Variants in MAGI2 observed in about 807,000 individuals in gnomAD.
The protein encoded by MAGI2 is membrane-associated guanylate kinase, WW and PDZ domain-containing protein 2.
MAGI2 carries 35 observed loss-of-function variants against 133.3 expected under a neutral mutation model. The observed-to-expected ratio is 0.26, with a 90% CI of 0.20 to 0.35. The LOEUF is 0.35. Ranked by LOEUF, MAGI2 falls within the 10% of genes least tolerant of loss-of-function variation. The pLI is 1.00. For missense variants in MAGI2, 1,636 were observed against 1,863.4 expected (o/e 0.88, Z 2.25); for synonymous variants, 729 against 710.6 (o/e 1.03, Z -0.41).
intron 21 of MAGI2, among the ~76,000 whole-genome samples, chr7:78,041,433 T>C (rs893834806): frequency 1.3e-5 from 2 of 152,186 alleles, no homozygotes; most frequent in African/African-American, 4.8e-5. Flanking sequence ...CCCAACACTC[T>C]GGGAGCCCAA....
intron 9 of MAGI2, among the ~76,000 whole-genome samples, chr7:78,290,227 A>G (rs1005105050): frequency 1.2e-4 from 18 of 152,234 alleles, no homozygotes; most frequent in African/African-American, 4.3e-4. Context: ...GCAGAGACAC[A>G]CATAGACTCA....
intron 2 of MAGI2, among the ~76,000 whole-genome samples, chr7:78,786,162 A>G (rs946037898): frequency 2.5e-4 from 38 of 152,074 alleles, no homozygotes; most frequent in African/African-American, 8.9e-4. Flanking sequence ...AAAAAACCTT[A>G]GTATCATCCT....
chr7:78,964,994 C>A (rs1348856306), intron 2 of MAGI2, among the ~76,000 whole-genome samples: 3 of 151,786 alleles, frequency 2.0e-5, no homozygotes, highest in Non-Finnish European at 2.9e-5. Flanking sequence ...ATTAGAATAA[C>A]TTAAAAACCA....
chr7:78,915,245 T>C (rs1206885748), intron 2 of MAGI2, among the ~76,000 whole-genome samples: 1 of 152,106 alleles, frequency 6.6e-6, no homozygotes, highest in Non-Finnish European at 1.5e-5. Flanking sequence ...GAAAGCAGGA[T>C]TATGAACACT....
At chr7:78,108,942 T>C (rs1819012010) in intron 20 of MAGI2, among the ~76,000 whole-genome samples, 1 of 151,890 alleles carries the variant, frequency 6.6e-6, no homozygotes, top group African/African-American at 2.4e-5. Context: ...ATGGTTGGTA[T>C]AAATTGGAGG....
chr7:78,755,172 A>C (rs1403283125), intron 2 of MAGI2, among the ~76,000 whole-genome samples: 4 of 152,212 alleles, frequency 2.6e-5, no homozygotes, highest in Non-Finnish European at 5.9e-5. Context: ...ATTTATCAGA[A>C]CGGGAGAGAC....
intron 3 of MAGI2, among the ~76,000 whole-genome samples, chr7:78,589,805 C>T (rs1308519991): frequency 1.3e-5 from 2 of 152,124 alleles, no homozygotes; most frequent in African/African-American, 4.8e-5. Context: ...TATAGGTCTT[C>T]AATATGGAAA....
chr7:79,032,344 C>T (rs1810674081), intron 1 of MAGI2, among the ~76,000 whole-genome samples: 1 of 151,882 alleles, frequency 6.6e-6, no homozygotes, highest in South Asian at 2.1e-4. Context: ...TGGTGAAACC[C>T]CGTCTCTACT....
At chr7:78,289,558 A>G (rs1796487542) in intron 9 of MAGI2, among the ~76,000 whole-genome samples, 2 of 152,228 alleles carry the variant, frequency 1.3e-5, no homozygotes, top group Non-Finnish European at 2.9e-5. Context: ...CTTCCCCAAC[A>G]TAGCAAGGGA....
intron 9 of MAGI2, among the ~76,000 whole-genome samples, chr7:78,323,629 T>A (rs1788238057): frequency 6.6e-6 from 1 of 151,818 alleles, no homozygotes; most frequent in Admixed American, 6.6e-5. Context: ...ATGGTCATAG[T>A]TTTTTTTGTG....
At chr7:78,062,142 T>C (rs1325262297) in intron 21 of MAGI2, among the ~76,000 whole-genome samples, 3 of 152,216 alleles carry the variant, frequency 2.0e-5, no homozygotes, top group Admixed American at 2.0e-4. Context: ...AGTGTAGAGA[T>C]GGTATCTTAC....
At position 78,854,853 on chromosome 7, in the gene MAGI2, T is replaced by C. The variant is rs561932561; in HGVS notation, c.418+152237A>G. On this transcript the variant is annotated intron_variant, in intron 2 of 21. Coordinates refer to ENST00000354212, the MANE Select transcript of MAGI2 (RefSeq NM_012301.4). ...TGGTCAACATTCTACTAGTGATGCA[T>C]TACTCTTTTATTTTTATTCTTGAGA... is the stretch of plus-strand genomic sequence containing the variant. Among the ~76,000 whole-genome samples, 14 of 88,522 alleles carry C rather than the reference T, an allele frequency of 1.6e-4. No homozygotes were observed. In the East Asian group the frequency reaches 5.8e-3, roughly 37 times the overall value. The allele number at this position is 88,522 out of a possible 152,430, so 58.1% of individuals were successfully genotyped here. A position where few individuals can be genotyped will look rare whatever the true frequency, so the allele number is the denominator to read the frequency against.
At chr7:78,830,343 A>G (rs1368596833) in intron 2 of MAGI2, among the ~76,000 whole-genome samples, 1 of 152,146 alleles carries the variant, frequency 6.6e-6, no homozygotes, top group Non-Finnish European at 1.5e-5. Context: ...AATTGTTTAT[A>G]CAACAAACAG....
chr7:78,823,909 T>TCACACACA (rs151269215), intron 2 of MAGI2, among the ~76,000 whole-genome samples: 4,159 of 148,114 alleles, frequency 0.028, 197 homozygotes, highest in African/African-American at 0.096. Flanking sequence ...GGATTTCACA[T>TCACACACA]CACACACACA....
intron 6 of MAGI2, among the ~76,000 whole-genome samples, chr7:78,394,756 A>G (rs953542509): frequency 2.0e-5 from 3 of 152,156 alleles, no homozygotes; most frequent in South Asian, 2.1e-4. Context: ...CACATTACTC[A>G]TCGATCTTTG....
chr7:78,792,091 T>C (rs577749690), intron 2 of MAGI2, among the ~76,000 whole-genome samples: 1 of 152,304 alleles, frequency 6.6e-6, no homozygotes, highest in African/African-American at 2.4e-5. Flanking sequence ...TAAGCCTAGA[T>C]TCACTATATT....
intron 10 of MAGI2, among the ~76,000 whole-genome samples, chr7:78,237,900 C>T (rs1469662213): frequency 6.6e-6 from 1 of 152,146 alleles, no homozygotes; most frequent in Non-Finnish European, 1.5e-5. Context: ...ATTAGTCAAT[C>T]ATTTTTTAAA....
rs144076131 is a variant in MAGI2, at chr7:79,229,077, G to A, written c.302-221871C>T. ...AAGTAAAGCTCTGCAGGATGTATAC[G>A]ACAATGATTTTTTTTTTTTGAGCCA... On this transcript the variant is annotated intron_variant, in intron 1 of 21. Transcript: ENST00000354212. Among the ~76,000 whole-genome samples, 67 of 150,070 alleles carry A rather than the reference G, an allele frequency of 4.5e-4. No individual in the cohort carries two copies. In the East Asian group the frequency reaches 0.011, roughly 25 times the overall value.
At chr7:78,042,898 G>T (rs1023047586) in intron 21 of MAGI2, among the ~76,000 whole-genome samples, 2 of 152,144 alleles carry the variant, frequency 1.3e-5, no homozygotes, top group East Asian at 3.8e-4. Context: ...CCACGACTCA[G>T]GGCTTCATCA....
Sources: allele counts gnomAD v4.1 joint callset (sites outside exome capture counted in the v4.1 genomes callset), GRCh38; gene constraint gnomAD v4.1.1; transcripts MANE v1.5; gene names NCBI Gene and HGNC (gene_info 2026-07-23, HGNC 2026-07-21).